The following CCDC171 variants were observed in gnomAD, a reference collection of about 807,000 sequenced individuals.
CCDC171 encodes coiled-coil domain-containing protein 171.
Under a neutral mutation model 168.2 loss-of-function variants are expected in CCDC171, and 177 were observed. That is an observed-to-expected ratio of 1.05 (90% CI 0.93 to 1.19). CCDC171 has a LOEUF of 1.19. Ranked by LOEUF, CCDC171 falls within the 50% of genes most tolerant of loss-of-function variation. CCDC171 has a pLI of 0.00. For synonymous variants in CCDC171, 687 were observed against 540.8 expected (o/e 1.27, Z -3.75); for missense variants, 1,991 against 1,539.0 (o/e 1.29, Z -4.91).
chr9:15,575,643 A>G (rs190927921), intron 3 of CCDC171, among the ~76,000 whole-genome samples: 10 of 152,300 alleles, frequency 6.6e-5, no homozygotes, highest in Admixed American at 6.5e-4. Flanking sequence ...AAAACTTATA[A>G]TTTTATTTTT....
chr9:15,971,072 A>G (rs1831315978), intron 25 of CCDC171, among the ~76,000 whole-genome samples: 1 of 152,198 alleles, frequency 6.6e-6, no homozygotes, highest in South Asian at 2.1e-4. Flanking sequence ...AGTTCTCATT[A>G]GAATTTTGTA....
rs541694069 is a variant in CCDC171, at chr9:15,973,301, T to C, written c.*1465T>C. 1 of 152,296 alleles carries C rather than the reference T, an allele frequency of 6.6e-6. No individual in the cohort carries two copies. The allele number at this position is 152,296 out of a possible 1,614,324, so 9.4% of individuals were successfully genotyped here. Reference sequence around the variant, plus strand: ...ATGGATACATTAGAGTATAACAGTATGTATTACAGAAGTTTTTTTGTCTTA... The same window carrying C: ...ATGGATACATTAGAGTATAACAGTACGTATTACAGAAGTTTTTTTGTCTTA... On this transcript the variant is annotated 3_prime_UTR_variant, in exon 26 of 26. Coordinates refer to ENST00000380701, the MANE Select transcript of CCDC171 (RefSeq NM_173550.4).
At chr9:15,918,331 C>T (rs1395178619) in intron 24 of CCDC171, among the ~76,000 whole-genome samples, 2 of 150,902 alleles carry the variant, frequency 1.3e-5, no homozygotes, top group African/African-American at 4.9e-5. Flanking sequence ...GACAAGAAAA[C>T]GACTCTTTTT....
chr9:16,062,852 C>G (rs755144004), downstream of CCDC171, among the ~76,000 whole-genome samples: 4 of 152,124 alleles, frequency 2.6e-5, no homozygotes, highest in African/African-American at 2.4e-5. Flanking sequence ...GGATGGAGTT[C>G]CAGGTGACAC....
rs1828792466 is a variant in CCDC171 at position 15,815,343 on chromosome 9, A to G, written c.3267+30649A>G. On this transcript the variant is annotated intron_variant, in intron 21 of 25. Coordinates refer to ENST00000380701, the MANE Select transcript of CCDC171 (RefSeq NM_173550.4). ...TTCTCCATTCTCAAAAGTTAATTAC[A>G]TTTAGACCATGCATGGGGAAGAAGA... Among the ~76,000 whole-genome samples the G allele has an allele frequency of 2.5e-5, 3 of 120,406 alleles. 1 individual carries two copies. The highest frequency in any genetic ancestry group is 9.2e-5 in the African/African-American group (3 of 32,478). The allele number at this position is 120,406 out of a possible 152,430, so 79.0% of individuals were successfully genotyped here.
At chr9:15,589,565 G>T (rs2041836278) in intron 4 of CCDC171, among the ~76,000 whole-genome samples, 1 of 152,202 alleles carries the variant, frequency 6.6e-6, no homozygotes, top group Non-Finnish European at 1.5e-5. Context: ...ACTTCATTGG[G>T]TTTATAGTGG....
At chr9:15,621,466 C>G (rs191256295) in intron 6 of CCDC171, among the ~76,000 whole-genome samples, 188 of 152,042 alleles carry the variant, frequency 1.2e-3, no homozygotes, top group Non-Finnish European at 1.6e-3. Flanking sequence ...TAAGGTATGC[C>G]TTTGTTAAGA....
intron 6 of CCDC171, among the ~76,000 whole-genome samples, chr9:15,601,048 C>G (rs1391725791): frequency 1.3e-5 from 2 of 152,156 alleles, no homozygotes; most frequent in Non-Finnish European, 2.9e-5. Flanking sequence ...CTTTCCTTGG[C>G]TAGGAAAGGG....
intron 23 of CCDC171, among the ~76,000 whole-genome samples, chr9:15,871,191 T>C (rs917064894): frequency 6.6e-6 from 1 of 151,702 alleles, no homozygotes; most frequent in African/African-American, 2.4e-5. Flanking sequence ...CGTTATAGAA[T>C]GTATAACATT....
At chr9:15,958,009 C>T (rs1408154957) in intron 25 of CCDC171, among the ~76,000 whole-genome samples, 1 of 152,138 alleles carries the variant, frequency 6.6e-6, no homozygotes, top group South Asian at 2.1e-4. Context: ...TGAAGTTAAA[C>T]TCTGTGAAAT....
upstream of CCDC171, among the ~76,000 whole-genome samples, chr9:16,041,456 A>G (rs1004680517): frequency 6.6e-6 from 1 of 152,228 alleles, no homozygotes; most frequent in African/African-American, 2.4e-5. Context: ...AATGTTCTGT[A>G]GAAGTCAGGC....
the CCDC171 span, among the ~76,000 whole-genome samples, chr9:16,100,408 A>G: frequency 3.9e-5 from 6 of 152,116 alleles, no homozygotes; most frequent in Non-Finnish European, 8.8e-5. Flanking sequence ...AGCTCAGGAT[A>G]AAGGGTGGGG....
At chr9:15,838,620 C>T (rs2060548712) in intron 21 of CCDC171, among the ~76,000 whole-genome samples, 1 of 152,176 alleles carries the variant, frequency 6.6e-6, no homozygotes, top group Non-Finnish European at 1.5e-5. Flanking sequence ...CTAATTCAAG[C>T]ATCCTCTTCA....
At chr9:15,771,428 A>T (rs2135280822) in intron 18 of CCDC171, among the ~76,000 whole-genome samples, 1 of 152,174 alleles carries the variant, frequency 6.6e-6, no homozygotes, top group East Asian at 1.9e-4. Context: ...GTATTCTTTG[A>T]TTGGTAGTTA....
At chr9:15,701,567 G>T (rs2051739949) in intron 11 of CCDC171, among the ~76,000 whole-genome samples, 2 of 145,484 alleles carry the variant, frequency 1.4e-5, no homozygotes, top group South Asian at 2.2e-4. Flanking sequence ...TTTACCCTCA[G>T]TACAATTCCA....
At chr9:15,978,470 C>T (rs897419353), downstream of CCDC171, among the ~76,000 whole-genome samples, 19 of 152,170 alleles carry the variant, frequency 1.2e-4, no homozygotes, top group African/African-American at 4.3e-4. Context: ...GCTTCAGCGT[C>T]CCTCCTGGGC....
intron 4 of CCDC171, among the ~76,000 whole-genome samples, chr9:15,582,047 A>G (rs894832290): frequency 6.6e-6 from 1 of 152,254 alleles, no homozygotes; most frequent in Admixed American, 6.5e-5. Context: ...CAAAGGGCTA[A>G]TATCCAGAAT....
intron 24 of CCDC171, among the ~76,000 whole-genome samples, chr9:15,912,519 C>T (rs983568946): frequency 1.3e-5 from 2 of 152,096 alleles, no homozygotes; most frequent in African/African-American, 4.8e-5. Flanking sequence ...TTCTTCTCTT[C>T]CTATTTGAAT....
At chr9:15,648,394 C>A (rs1378090558) in intron 7 of CCDC171, among the ~76,000 whole-genome samples, 1 of 152,062 alleles carries the variant, frequency 6.6e-6, no homozygotes, top group Non-Finnish European at 1.5e-5. Flanking sequence ...GAAGTTCTGG[C>A]CAGGGCAATC....
Sources: allele counts gnomAD v4.1 joint callset (sites outside exome capture counted in the v4.1 genomes callset), GRCh38; gene constraint gnomAD v4.1.1; transcripts MANE v1.5; gene names NCBI Gene and HGNC (gene_info 2026-07-23, HGNC 2026-07-21).